Variants in NFIB observed in about 807,000 individuals in gnomAD.
NFIB encodes nuclear factor I B, also known as nuclear factor 1 B-type.
NFIB carries 11 observed loss-of-function variants against 61.5 expected under a neutral mutation model. The observed-to-expected ratio is 0.18, with a 90% confidence interval of 0.11 to 0.30. NFIB has a LOEUF of 0.30. Among genes scored for constraint, NFIB ranks in the 10% least tolerant of loss-of-function variants. NFIB has a pLI of 1.00. For synonymous variants in NFIB, 260 were observed against 216.5 expected, an observed-to-expected ratio of 1.20 and a Z score of -1.76; for missense variants, 471 against 608.9, an observed-to-expected ratio of 0.77 and a Z score of 2.38.
intron 1 of NFIB, among the ~76,000 whole-genome samples, chr9:14,356,521 G>A (rs1030994367): frequency 5.9e-5 from 9 of 152,142 alleles, no homozygotes; most frequent in Admixed American, 3.9e-4. Flanking sequence ...GCAAGGCCCT[G>A]AGGGGCAGTG....
In NFIB at chr9:14,120,705, A is replaced by G; in HGVS notation, c.1061-81T>C. On this transcript the variant is annotated intron_variant, in intron 7 of 10. Transcript: ENST00000380953. The surrounding 1 kb of genome is among the most constrained non-coding windows in gnomAD (Gnocchi z 4.4). The stretch of plus-strand genomic sequence containing the variant: ...ATTCTGATCCTGAAGAATGCTGTGA[A>G]ACTACAAAACTGGTAACCATTCATT... 7.5e-7 allele frequency: 1 copy of G among 1,335,718 alleles called. No homozygotes were observed. The allele number at this position is 1,335,718 out of a possible 1,614,324, so 82.7% of individuals were successfully genotyped here.
chr9:14,297,553 C>T lies in NFIB; in HGVS notation c.562+9436G>A, dbSNP rs184996336. 7.2e-5 allele frequency among the ~76,000 whole-genome samples: 11 copies of T among 152,294 alleles called. No homozygotes were observed. In the East Asian group the frequency reaches 7.7e-4, roughly 11 times the overall value. ...ACAAACCAGAAAGAAAAGAAAGCCT[C>T]TCACCTGCTATTTTCAGATATTTTC... On this transcript the variant is annotated intron_variant, in intron 2 of 10. Coordinates refer to ENST00000380953, the MANE Select transcript of NFIB (RefSeq NM_001190737.2).
the NFIB span, among the ~76,000 whole-genome samples, chr9:14,475,215 A>G: frequency 1.3e-5 from 2 of 152,258 alleles, no homozygotes; most frequent in African/African-American, 4.8e-5. Context: ...AATCTGAGGC[A>G]TAGCGTGCTA....
At chr9:14,231,488 C>T (rs903892114) in intron 2 of NFIB, among the ~76,000 whole-genome samples, 32 of 151,994 alleles carry the variant, frequency 2.1e-4, no homozygotes, top group Non-Finnish European at 1.3e-4. Context: ...TATGCAATCC[C>T]GGGTACCAGA....
chr9:14,257,140 C>A (rs573763450), intron 2 of NFIB, among the ~76,000 whole-genome samples: 2 of 152,276 alleles, frequency 1.3e-5, no homozygotes, highest in East Asian at 3.9e-4. Flanking sequence ...AACTGTTTAA[C>A]CTTGGTTAAG....
At chr9:14,160,830 T>TAAAA (rs1563848963) in intron 3 of NFIB, among the ~76,000 whole-genome samples, 2 of 12,104 alleles carry the variant, frequency 1.7e-4, no homozygotes, top group African/African-American at 2.9e-4. Context: ...GAAGGAAATC[T>TAAAA]CAAAAAAAAA....
At chr9:14,093,602 C>T (rs1208205708) in intron 10 of NFIB, 1 of 152,068 alleles carries the variant, frequency 6.6e-6, no homozygotes, top group Non-Finnish European at 1.5e-5. Context: ...TTCCTGATCT[C>T]CCCAAGATGG....
the NFIB span, among the ~76,000 whole-genome samples, chr9:14,476,567 G>C: frequency 6.6e-6 from 1 of 152,106 alleles, no homozygotes; most frequent in South Asian, 2.1e-4. Flanking sequence ...CTACTTTCTA[G>C]ATGCTTTTTA....
the NFIB span, among the ~76,000 whole-genome samples, chr9:14,472,083 C>T: frequency 9.2e-5 from 14 of 152,162 alleles, no homozygotes; most frequent in East Asian, 3.9e-4. Context: ...TGAGAGATCG[C>T]GCAGAACAAT....
intron 2 of NFIB, among the ~76,000 whole-genome samples, chr9:14,279,701 C>A (rs2058242929): frequency 6.6e-6 from 1 of 152,172 alleles, no homozygotes; most frequent in Non-Finnish European, 1.5e-5. Flanking sequence ...CTTCTGCACA[C>A]TCCTTTCACA....
At position 14,171,240 on chromosome 9, in the gene NFIB, CAGACACCA is replaced by C. The variant is rs530701988; in HGVS notation, c.616+8479_616+8486del. On this transcript the variant is annotated intron_variant, in intron 3 of 10. Transcript: ENST00000380953. ...CTTTAAATGCTGCTCAAGCCTTGCT[CAGACACCA>C]AGTTCCCTTCCTTTCCCCTTCTTCC... 5.3e-3 allele frequency among the ~76,000 whole-genome samples: 804 copies of C among 152,292 alleles called. 3 individuals are homozygous for C. The highest frequency in any genetic ancestry group is 0.017 in the African/African-American group (701 of 41,572).
chr9:14,209,664 C>T (rs2050107423), intron 2 of NFIB, among the ~76,000 whole-genome samples: 1 of 152,230 alleles, frequency 6.6e-6, no homozygotes, highest in Non-Finnish European at 1.5e-5. Context: ...GCAATCAGAA[C>T]AGTGTGGGGA....
intron 6 of NFIB, among the ~76,000 whole-genome samples, chr9:14,133,562 G>C (rs1289420857): frequency 6.6e-6 from 1 of 152,174 alleles, no homozygotes; most frequent in African/African-American, 2.4e-5. Flanking sequence ...CCTGAGACAA[G>C]GAAACAGTTT....
intron 2 of NFIB, among the ~76,000 whole-genome samples, chr9:14,236,518 C>T (rs900545931): frequency 1.3e-4 from 20 of 152,088 alleles, no homozygotes; most frequent in African/African-American, 4.6e-4. Flanking sequence ...AGATTTAGGA[C>T]GATGCATGTG....
chr9:14,284,410 G>A (rs1416057172), intron 2 of NFIB, among the ~76,000 whole-genome samples: 1 of 151,982 alleles, frequency 6.6e-6, no homozygotes, highest in Non-Finnish European at 1.5e-5. Flanking sequence ...ATCAATCTTT[G>A]AAACCAAAAA....
chr9:14,112,268 A>G (rs978051589), intron 10 of NFIB, among the ~76,000 whole-genome samples: 2 of 152,170 alleles, frequency 1.3e-5, no homozygotes, highest in African/African-American at 4.8e-5. Flanking sequence ...TGTAACTAGA[A>G]TCGTGGGATT....
At chr9:14,498,211 T>C in the NFIB span, among the ~76,000 whole-genome samples, 1 of 152,236 alleles carries the variant, frequency 6.6e-6, no homozygotes, top group Non-Finnish European at 1.5e-5. Flanking sequence ...AAGTTTGTGC[T>C]CTTTCTACCT....
At chr9:14,512,369 T>C in the NFIB span, among the ~76,000 whole-genome samples, 1 of 149,520 alleles carries the variant, frequency 6.7e-6, no homozygotes, top group African/African-American at 2.5e-5. Context: ...CAACACACTC[T>C]GTGAAAGTCT....
chr9:14,107,256 T>C (rs927871492), intron 10 of NFIB, among the ~76,000 whole-genome samples: 1 of 151,486 alleles, frequency 6.6e-6, no homozygotes. Context: ...AGGAATGGTA[T>C]GAACAAGAAA....
Sources: allele counts gnomAD v4.1 joint callset (sites outside exome capture counted in the v4.1 genomes callset), GRCh38; gene constraint gnomAD v4.1.1; non-coding constraint Gnocchi (gnomAD v3.1); transcripts MANE v1.5; gene names NCBI Gene and HGNC (gene_info 2026-07-23, HGNC 2026-07-21).